The following FAAH2 variants were observed in gnomAD, a reference collection of about 807,000 sequenced individuals.
The protein encoded by FAAH2 is fatty-acid amide hydrolase 2.
Under a neutral mutation model 36.9 loss-of-function variants are expected in FAAH2, and 60 were observed. The ratio of observed to expected loss-of-function variants is 1.63; its 90% CI spans 1.32 to 2.02. The LOEUF (loss-of-function observed/expected upper bound fraction) is 2.02, where lower values mean the gene tolerates loss of function less well. Ranked by LOEUF, FAAH2 falls within the 30% of genes most tolerant of loss-of-function variation. The pLI is 0.00. For missense variants in FAAH2, 689 were observed against 397.5 expected (o/e 1.73, Z -6.23); for synonymous variants, 214 against 143.8 (o/e 1.49, Z -3.49).
chrX:57,135,536 A>G, the FAAH2 span: 4 of 403,605 alleles, frequency 9.9e-6, no homozygotes, highest in Non-Finnish European at 1.6e-5. Context: ...ACTGATTATG[A>G]TTCTAGCTGA....
At chrX:57,487,230 T>C (rs2057490969) in intron 10 of FAAH2, among the ~76,000 whole-genome samples, 1 of 110,544 alleles carries the variant, frequency 9.0e-6, no homozygotes, top group African/African-American at 3.3e-5. Flanking sequence ...ATAAAAGGTT[T>C]CCTAGATACA....
At chrX:57,241,447 GA>G in the FAAH2 span, among the ~76,000 whole-genome samples, 49,571 of 108,777 alleles carry the variant, frequency 0.46, 11,279 homozygotes, top group African/African-American at 0.88. Flanking sequence ...AAAACTACAA[GA>G]AAAAAAAACA....
At chrX:57,445,773 G>A (rs751118229) in intron 8 of FAAH2, among the ~76,000 whole-genome samples, 5 of 112,468 alleles carry the variant, frequency 4.4e-5, no homozygotes, top group Admixed American at 1.9e-4. Context: ...CAGCTACATT[G>A]CCGGAGTTAA....
the FAAH2 span, among the ~76,000 whole-genome samples, chrX:57,197,599 A>G: frequency 4.6e-5 from 5 of 109,683 alleles, no homozygotes; most frequent in African/African-American, 1.7e-4. Flanking sequence ...TTTTTTCCCC[A>G]TGGATCAGGC....
At chrX:57,441,133 G>T (rs1376816602) in intron 8 of FAAH2, among the ~76,000 whole-genome samples, 1 of 111,716 alleles carries the variant, frequency 9.0e-6, no homozygotes, top group Non-Finnish European at 1.9e-5. Flanking sequence ...ATGAGTTAGG[G>T]AGGATTCCCT....
At position 57,385,275 on chromosome X, in the gene FAAH2, A is replaced by G. The variant is rs1380100620; in HGVS notation, c.996+4246A>G. Among the ~76,000 whole-genome samples the G allele has an allele frequency of 1.9e-4, 5 of 25,902 alleles. No homozygotes were observed. In the East Asian group the frequency reaches 0.01, roughly 53 times the overall value. The allele number at this position is 25,902 out of a possible 115,157, so 22.5% of individuals were successfully genotyped here. A position where few individuals can be genotyped will look rare whatever the true frequency, so the allele number is the denominator to read the frequency against. ...GCACATGTACCCTAAGACTTAAAGT[A>G]TAATAAAAAAAAAAAAAAAAGACAT... On this transcript the variant is annotated intron_variant, in intron 7 of 10. Coordinates refer to ENST00000374900, the MANE Select transcript of FAAH2 (RefSeq NM_174912.4).
rs750196423 is a variant in FAAH2, at chrX:57,469,888, T to C, written c.1424-18869T>C. 8.1e-5 allele frequency among the ~76,000 whole-genome samples: 9 copies of C among 111,740 alleles called. No individual in the cohort carries two copies. The South Asian group carries it at 1.9e-3, about 23-fold the overall frequency. ...AGCAAATGTAAAAGAACAGAAATTA[T>C]AACAAACTGTCTCTTAGATCACAGT... On this transcript the variant is annotated intron_variant, in intron 10 of 10. Coordinates refer to ENST00000374900, the MANE Select transcript of FAAH2 (RefSeq NM_174912.4).
At chrX:57,390,655 G>A (rs1012547116) in intron 7 of FAAH2, among the ~76,000 whole-genome samples, 2 of 111,385 alleles carry the variant, frequency 1.8e-5, no homozygotes. Flanking sequence ...CAAAGGGCAT[G>A]CTTTCATTTT....
Position 57,335,142 on chromosome X carries a change from C to A in FAAH2, c.622+3335C>A, listed in dbSNP as rs757450605. Among the ~76,000 whole-genome samples, 11 of 110,719 alleles carry A rather than the reference C, an allele frequency of 9.9e-5. No individual in the cohort carries two copies. The South Asian group carries it at 3.9e-3, about 39-fold the overall frequency. ...AAATGCAAAAGAACTTAAATCATAACAAACAGTCTCTCAGATTACAGTGAA... is the reference window on the plus strand; with the variant it reads ...AAATGCAAAAGAACTTAAATCATAAAAAACAGTCTCTCAGATTACAGTGAA... On this transcript the variant is annotated intron_variant, in intron 4 of 10. Coordinates refer to ENST00000374900, the MANE Select transcript of FAAH2 (RefSeq NM_174912.4).
intron 10 of FAAH2, among the ~76,000 whole-genome samples, chrX:57,459,485 T>A (rs2056919972): frequency 8.9e-6 from 1 of 112,268 alleles, no homozygotes; most frequent in Non-Finnish European, 1.9e-5. Context: ...AGCACAGTGG[T>A]CAAGCTCTGC....
intron 2 of FAAH2, among the ~76,000 whole-genome samples, chrX:57,300,908 G>T (rs1457534178): frequency 8.9e-6 from 1 of 112,109 alleles, no homozygotes; most frequent in Non-Finnish European, 1.9e-5. Flanking sequence ...AAACCACAAT[G>T]AGATAACCAT....
At chrX:57,419,899 G>A (rs1412240418) in intron 7 of FAAH2, among the ~76,000 whole-genome samples, 1 of 111,819 alleles carries the variant, frequency 8.9e-6, no homozygotes, top group South Asian at 3.7e-4. Flanking sequence ...TTTTGTATAA[G>A]GTGTAAGGAA....
chrX:57,309,806 C>A (rs1386597749), intron 2 of FAAH2, among the ~76,000 whole-genome samples: 6 of 111,977 alleles, frequency 5.4e-5, no homozygotes, highest in African/African-American at 1.9e-4. Context: ...TGATGTACCA[C>A]ATTTTCTTTA....
the FAAH2 span, among the ~76,000 whole-genome samples, chrX:57,163,027 A>T: frequency 2.7e-5 from 3 of 111,984 alleles, no homozygotes; most frequent in Non-Finnish European, 5.6e-5. Context: ...GGTGATGTAC[A>T]GATGGGTTTT....
At position 57,469,237 on chromosome X, in the gene FAAH2, C is replaced by T. The variant is rs759148733; in HGVS notation, c.1424-19520C>T. Among the ~76,000 whole-genome samples, 103 of 111,907 alleles carry T rather than the reference C, an allele frequency of 9.2e-4. 1 individual carries two copies. The highest frequency in any genetic ancestry group is 3.2e-3 in the African/African-American group (100 of 30,863). ...AACATCATAATGAAAGGATCAAATTCACACATACCAATATTAACCTTAAAT... is the reference window on the plus strand; with the variant it reads ...AACATCATAATGAAAGGATCAAATTTACACATACCAATATTAACCTTAAAT... On this transcript the variant is annotated intron_variant, in intron 10 of 10. Transcript: ENST00000374900.
At position 57,458,593 on chromosome X, in the gene FAAH2, C is replaced by T. The variant is rs764909153; in HGVS notation, c.1423+9875C>T. ...AGTCTGCAGTTCCCAGTGAGATCAA[C>T]GCAGAAGGGGAGTGACTTCTGCATT... On this transcript the variant is annotated intron_variant, in intron 10 of 10. Transcript: ENST00000374900. Among the ~76,000 whole-genome samples, 10 of 112,155 alleles carry T rather than the reference C, an allele frequency of 8.9e-5. No homozygotes were observed. The East Asian group carries it at 1.7e-3, about 19-fold the overall frequency.
At chrX:57,393,462 C>T in intron 7 of FAAH2, 7 of 927,767 alleles carry the variant, frequency 7.5e-6, no homozygotes, top group Admixed American at 2.2e-5. Flanking sequence ...ACAAACCCTT[C>T]TGGGCCAACA....
At chrX:57,298,886 G>C (rs750644086) in intron 2 of FAAH2, among the ~76,000 whole-genome samples, 1 of 108,219 alleles carries the variant, frequency 9.2e-6, no homozygotes, top group Admixed American at 1.0e-4. Flanking sequence ...CACCTACACT[G>C]TCCCAAGACT....
chrX:57,153,231 G>A, the FAAH2 span, among the ~76,000 whole-genome samples: 16 of 111,715 alleles, frequency 1.4e-4, no homozygotes, highest in African/African-American at 4.9e-4. Context: ...CTTTTTCCAT[G>A]CCTTTACCTT....
Sources: allele counts gnomAD v4.1 joint callset (sites outside exome capture counted in the v4.1 genomes callset), GRCh38; gene constraint gnomAD v4.1.1; transcripts MANE v1.5; gene names NCBI Gene and HGNC (gene_info 2026-07-23, HGNC 2026-07-21).